The following FAF1 variants were observed in gnomAD, a reference collection of about 807,000 sequenced individuals.
FAF1 encodes Fas associated factor 1.
FAF1 carries 25 observed loss-of-function variants against 92.5 expected under a neutral mutation model. That is an observed-to-expected ratio of 0.27 (90% CI 0.20 to 0.38). The LOEUF is 0.38. Among genes scored for constraint, FAF1 ranks in the 10% least tolerant of loss-of-function variants. FAF1 has a pLI of 1.00. For synonymous variants in FAF1, 234 were observed against 273.2 expected, an observed-to-expected ratio of 0.86 and a Z score of 1.42; for missense variants, 636 against 793.3, an observed-to-expected ratio of 0.80 and a Z score of 2.38.
chr1:50,539,444 C>A (rs1235065703), intron 14 of FAF1, 148 bp downstream of exon 14: 2 of 530,640 alleles, frequency 3.8e-6, no homozygotes, highest in Non-Finnish European at 3.2e-6. Context: ...TTTATAGCAC[C>A]TATATTTTTT....
chr1:50,706,576 C>T (rs1657682658), intron 6 of FAF1, among the ~76,000 whole-genome samples: 1 of 151,994 alleles, frequency 6.6e-6, no homozygotes, highest in Non-Finnish European at 1.5e-5. Flanking sequence ...TTTTTATCTC[C>T]TCCTGGAACT....
chr1:50,510,459 G>A (rs936671843), intron 15 of FAF1, among the ~76,000 whole-genome samples: 6 of 151,972 alleles, frequency 3.9e-5, no homozygotes, highest in Admixed American at 1.3e-4. Context: ...TAGAGGGGGG[G>A]AAGCAAGGGA....
chr1:50,766,697 G>A (rs1169456307), intron 4 of FAF1, among the ~76,000 whole-genome samples: 2 of 151,256 alleles, frequency 1.3e-5, no homozygotes, highest in Admixed American at 1.3e-4. Flanking sequence ...TCCAAAGGAA[G>A]GGAAACAAAG....
At chr1:50,719,180 T>C (rs1658308637) in intron 6 of FAF1, among the ~76,000 whole-genome samples, 1 of 152,212 alleles carries the variant, frequency 6.6e-6, no homozygotes, top group South Asian at 2.1e-4. Context: ...CTTTCCACTA[T>C]AAATATGATT....
chr1:50,705,376 T>C (rs1033130017), intron 7 of FAF1, among the ~76,000 whole-genome samples: 6 of 152,210 alleles, frequency 3.9e-5, no homozygotes, highest in Admixed American at 2.0e-4. Flanking sequence ...AAAAGTCCCC[T>C]CAAATTCCTT....
At chr1:50,737,830 T>C (rs1263595460) in intron 6 of FAF1, among the ~76,000 whole-genome samples, 1 of 152,102 alleles carries the variant, frequency 6.6e-6, no homozygotes, top group Admixed American at 6.6e-5. Flanking sequence ...TTGACAATGT[T>C]CAAAATTTAG....
chr1:50,533,157 A>G (rs775362213), intron 15 of FAF1, among the ~76,000 whole-genome samples: 1 of 152,014 alleles, frequency 6.6e-6, no homozygotes, highest in Non-Finnish European at 1.5e-5. Context: ...TGGCTGGAAT[A>G]CAATGGCATG....
chr1:50,686,340 C>G (rs771555292), intron 7 of FAF1, among the ~76,000 whole-genome samples: 1 of 151,996 alleles, frequency 6.6e-6, no homozygotes, highest in Non-Finnish European at 1.5e-5. Flanking sequence ...GCCAGGAGAT[C>G]GAGACCAGCC....
chr1:50,693,830 A>C (rs1435194050), intron 7 of FAF1, among the ~76,000 whole-genome samples: 1 of 152,010 alleles, frequency 6.6e-6, no homozygotes, highest in South Asian at 2.1e-4. Context: ...ACACCCACAT[A>C]AATGGTTCAA....
intron 7 of FAF1, among the ~76,000 whole-genome samples, chr1:50,661,199 T>G (rs949040724): frequency 6.6e-6 from 1 of 152,174 alleles, no homozygotes; most frequent in Admixed American, 6.5e-5. Flanking sequence ...TATTTTCCCC[T>G]TATGAGATCT....
intron 6 of FAF1, among the ~76,000 whole-genome samples, chr1:50,717,523 C>A (rs1431340377): frequency 6.6e-6 from 1 of 152,068 alleles, no homozygotes; most frequent in African/African-American, 2.4e-5. Context: ...TATGGCAGCC[C>A]AAGGGGACTA....
chr1:50,717,819 T>C (rs757212464), intron 6 of FAF1, among the ~76,000 whole-genome samples: 5 of 152,126 alleles, frequency 3.3e-5, no homozygotes, highest in Non-Finnish European at 5.9e-5. Context: ...CTGCGCAACA[T>C]AGCAAGACCT....
At chr1:50,513,602 T>C (rs1251507526) in intron 15 of FAF1, among the ~76,000 whole-genome samples, 1 of 152,230 alleles carries the variant, frequency 6.6e-6, no homozygotes. Context: ...CTTGTTTATC[T>C]CACCAAATCT....
At chr1:50,442,712 G>C (rs1349822423) in intron 18 of FAF1, among the ~76,000 whole-genome samples, 2 of 152,218 alleles carry the variant, frequency 1.3e-5, no homozygotes, top group Non-Finnish European at 2.9e-5. Flanking sequence ...CTTCCATGGA[G>C]GGGTGGGGGA....
intron 18 of FAF1, among the ~76,000 whole-genome samples, chr1:50,443,970 G>A (rs1389749762): frequency 1.3e-5 from 2 of 152,304 alleles, no homozygotes; most frequent in East Asian, 3.9e-4. Context: ...GCCTCAGTGA[G>A]GCTGTGTCAC....
chr1:50,440,463 T>C lies in FAF1; in HGVS notation c.*977A>G, dbSNP rs938115548. ...ATACTAAAACATTAAAAGAATAAAA[T>C]AGTAGAGCAAGTTCCTTATTACAGG... On this transcript the variant is annotated 3_prime_UTR_variant, in exon 19 of 19. Transcript: ENST00000396153. The C allele has an allele frequency of 5.3e-5, 8 of 152,182 alleles. No individual in the cohort carries two copies. Among genetic ancestry groups the C allele is most frequent in the Admixed American group, 1.3e-4 (2 of 15,282 alleles). The allele number at this position is 152,182 out of a possible 1,614,324, so 9.4% of individuals were successfully genotyped here.
intron 15 of FAF1, among the ~76,000 whole-genome samples, chr1:50,531,433 A>T (rs141973734): frequency 9.6e-4 from 146 of 152,314 alleles, no homozygotes; most frequent in African/African-American, 3.4e-3. Context: ...GTGCATATAA[A>T]AAAATCAATC....
chr1:50,890,765 C>G (rs2124699976), intron 1 of FAF1, among the ~76,000 whole-genome samples: 1 of 152,272 alleles, frequency 6.6e-6, no homozygotes, highest in Non-Finnish European at 1.5e-5. Context: ...TTGTTGGTAA[C>G]TCGACCTTTC....
chr1:50,785,242 A>C (rs931175322), intron 4 of FAF1, among the ~76,000 whole-genome samples: 14 of 151,820 alleles, frequency 9.2e-5, no homozygotes, highest in African/African-American at 3.4e-4. Context: ...TTTGGAAATG[A>C]CTCCAAAAGC....
Sources: allele counts gnomAD v4.1 joint callset (sites outside exome capture counted in the v4.1 genomes callset), GRCh38; gene constraint gnomAD v4.1.1; transcripts MANE v1.5; gene names NCBI Gene and HGNC (gene_info 2026-07-23, HGNC 2026-07-21).